The following C11orf65 variants were observed in gnomAD, a reference collection of about 807,000 sequenced individuals.
C11orf65 encodes protein MFI.
Under a neutral mutation model 35.3 loss-of-function variants are expected in C11orf65, and 38 were observed. That is an observed-to-expected ratio of 1.08 (90% CI 0.83 to 1.41). The LOEUF is 1.41. Among genes scored for constraint, C11orf65 ranks in the 40% most tolerant of loss-of-function variants. The pLI is 0.00. For missense variants in C11orf65, 370 were observed against 367.1 expected (o/e 1.01, Z -0.06); for synonymous variants, 105 against 114.4 (o/e 0.92, Z 0.53).
At chr11:108,399,718 C>T (rs1450915953) in intron 6 of C11orf65, among the ~76,000 whole-genome samples, 5 of 152,182 alleles carry the variant, frequency 3.3e-5, no homozygotes, top group African/African-American at 9.7e-5. Context: ...CCCATACAGA[C>T]CACATTTATT....
chr11:108,394,553 G>GATA (rs1201825106), intron 6 of C11orf65, among the ~76,000 whole-genome samples: 1 of 152,196 alleles, frequency 6.6e-6, no homozygotes, highest in Non-Finnish European at 1.5e-5. Flanking sequence ...TACATTCACT[G>GATA]ATAATGAGCT....
intron 2 of C11orf65, chr11:108,366,661 G>A (rs1223225865): frequency 4.3e-6 from 1 of 231,160 alleles, no homozygotes; most frequent in Non-Finnish European, 8.6e-6. Flanking sequence ...CTTGGCTTTA[G>A]GGTTTCCATA....
At chr11:108,319,904 T>A (rs1329940541) in intron 6 of C11orf65, 2 of 1,322,430 alleles carry the variant, frequency 1.5e-6, no homozygotes, top group East Asian at 4.6e-5. Context: ...TACATGTATA[T>A]CTTAGGGTTC....
At chr11:108,459,445 T>C (rs1324818465) in intron 2 of C11orf65, among the ~76,000 whole-genome samples, 2 of 152,032 alleles carry the variant, frequency 1.3e-5, no homozygotes, top group Non-Finnish European at 2.9e-5. Context: ...CTTCAGTCCT[T>C]CTCCTTCCAG....
intron 3 of C11orf65, among the ~76,000 whole-genome samples, chr11:108,414,378 T>A (rs1191104334): frequency 6.6e-6 from 1 of 151,982 alleles, no homozygotes; most frequent in Non-Finnish European, 1.5e-5. Context: ...ATAGAGGTCA[T>A]CATTACTGAT....
chr11:108,365,019 T>C (rs1019570746), intron 2 of C11orf65: 1 of 1,574,812 alleles, frequency 6.3e-7, no homozygotes, highest in Non-Finnish European at 8.7e-7. Context: ...CTGGTTCTAC[T>C]GTTTCTAAGT....
rs565686569 is a variant in C11orf65, at chr11:108,356,555, A to C, written c.227-21263T>G. On this transcript the variant is annotated intron_variant, in intron 2 of 3. Transcript: ENST00000524755. ...CTGTCTGTCTTAAAAAAAAAAAAAA[A>C]AAAAAGCCCAAACTTTTCAAATTAA... Among the ~76,000 whole-genome samples the C allele has an allele frequency of 2.7e-3, 410 of 151,938 alleles. 1 individual carries two copies. Among genetic ancestry groups the C allele is most frequent in the African/African-American group, 9.6e-3 (398 of 41,462 alleles).
At chr11:108,461,129 C>T (rs2093469054) in intron 2 of C11orf65, among the ~76,000 whole-genome samples, 1 of 152,148 alleles carries the variant, frequency 6.6e-6, no homozygotes. Flanking sequence ...TGGCTGGGTG[C>T]AGTGGCTCAC....
At chr11:108,318,926 A>G (rs1261868016) in intron 6 of C11orf65, among the ~76,000 whole-genome samples, 2 of 152,202 alleles carry the variant, frequency 1.3e-5, no homozygotes, top group African/African-American at 4.8e-5. Context: ...CTATAATCCC[A>G]GCACTTTGGA....
chr11:108,449,582 T>C (rs1157501382), intron 2 of C11orf65, among the ~76,000 whole-genome samples: 3 of 152,088 alleles, frequency 2.0e-5, no homozygotes, highest in Middle Eastern at 3.4e-3. Context: ...TGGCTAGCCA[T>C]AGGTAGAAAG....
intron 2 of C11orf65, among the ~76,000 whole-genome samples, chr11:108,455,834 A>AAAAC: frequency 7.2e-6 from 1 of 139,386 alleles, no homozygotes; most frequent in Non-Finnish European, 1.5e-5. Context: ...AAAAAAAAAA[A>AAAAC]AAAAAACATG....
chr11:108,321,885 C>T (rs4988096), intron 6 of C11orf65, among the ~76,000 whole-genome samples: 3,900 of 151,712 alleles, frequency 0.026, 175 homozygotes, highest in African/African-American at 0.089. Context: ...TTTTATTAAA[C>T]ATTTTCCAAA....
chr11:108,382,341 A>C (rs1436661079), downstream of C11orf65, among the ~76,000 whole-genome samples: 1 of 152,218 alleles, frequency 6.6e-6, no homozygotes, highest in East Asian at 1.9e-4. Context: ...AGAGTAGTGA[A>C]GGCAAATCGT....
At chr11:108,317,613 TTTTATATATATATA>T in intron 6 of C11orf65, 1 of 270,312 alleles carries the variant, frequency 3.7e-6, no homozygotes, top group African/African-American at 7.0e-5. Flanking sequence ...ACAGGAGTTG[TTTTATATATATATA>T]TATATATATA....
intron 3 of C11orf65, 38 bp from the exon 4 acceptor site, chr11:108,407,187 A>G (rs764055461): frequency 3.5e-5 from 48 of 1,378,050 alleles, no homozygotes; most frequent in Admixed American, 4.0e-5. Context: ...ATTATTCTTC[A>G]GGATTCTGTA....
Position 108,461,734 on chromosome 11 carries a change from C to T in C11orf65, c.-9-166G>A, listed in dbSNP as rs946824765. ...CCTCAAACTGCTGGGCTCAAGTGAT[C>T]CTCTTGCCTTAACCTCCTAAGTAGC... On this transcript the variant is annotated intron_variant, in intron 1 of 8. Coordinates refer to ENST00000393084, the MANE Select transcript of C11orf65 (RefSeq NM_152587.5). 4.6e-5 allele frequency among the ~76,000 whole-genome samples: 7 copies of T among 152,124 alleles called. No homozygotes were observed. In the East Asian group the frequency reaches 1.4e-3, roughly 29 times the overall value.
intron 3 of C11orf65, among the ~76,000 whole-genome samples, chr11:108,420,073 G>A (rs1163920335): frequency 6.6e-6 from 1 of 152,104 alleles, no homozygotes; most frequent in East Asian, 1.9e-4. Flanking sequence ...AAGCTAATGT[G>A]CAAAAATTGA....
intron 3 of C11orf65, among the ~76,000 whole-genome samples, chr11:108,427,338 A>C (rs2092916653): frequency 6.7e-6 from 1 of 149,908 alleles, no homozygotes. Flanking sequence ...AAACAAATTT[A>C]CAAAAAAAAA....
rs748853277 is a variant in C11orf65, at chr11:108,332,913, T to A, written c.300-1346A>T. The A allele has an allele frequency of 7.5e-6, 12 of 1,609,596 alleles. No individual in the cohort carries two copies. Among genetic ancestry groups the A allele is most frequent in the African/African-American group, 1.3e-5 (1 of 74,978 alleles). On this transcript the variant is annotated intron_variant, in intron 3 of 3. Transcript: ENST00000524755. ...AAGACTCAGAGAAGTATGTTTTTTT[T>A]AAAGAAGAAACGTTACTTTCTTGCT...
Sources: gnomAD v4.1 joint callset for allele counts (sites outside exome capture counted in the v4.1 genomes callset) on GRCh38, gnomAD v4.1.1 for gene constraint, MANE v1.5 for transcripts, NCBI Gene and HGNC (gene_info 2026-07-23, HGNC 2026-07-21) for gene names.